Variants in OR1J2 observed in about 807,000 individuals in gnomAD.
OR1J2 encodes the protein olfactory receptor family 1 subfamily J member 2.
For synonymous variants in OR1J2, 142 were observed against 99.7 expected, an observed-to-expected ratio of 1.42 and a Z score of -2.52; for missense variants, 304 against 246.1, an observed-to-expected ratio of 1.24 and a Z score of -1.57.
At chr9:122,533,960 G>A in the OR1J2 span, among the ~76,000 whole-genome samples, 1 of 152,220 alleles carries the variant, frequency 6.6e-6, no homozygotes, top group Non-Finnish European at 1.5e-5. Context: ...CAGAGTTCCA[G>A]GGGCTCTGGG....
At chr9:122,578,520 A>G in the OR1J2 span, 1 of 152,056 alleles carries the variant, frequency 6.6e-6, no homozygotes, top group Non-Finnish European at 1.5e-5. Flanking sequence ...TAGCACCACA[A>G]TTCACAATTG....
chr9:122,477,616 A>C, the OR1J2 span: 58 of 1,614,088 alleles, frequency 3.6e-5, 1 homozygote, highest in South Asian at 5.8e-4. Flanking sequence ...AAAAAATATG[A>C]AAAAATATGT....
At chr9:122,498,885 G>A in the OR1J2 span, among the ~76,000 whole-genome samples, 1 of 152,252 alleles carries the variant, frequency 6.6e-6, no homozygotes, top group South Asian at 2.1e-4. Flanking sequence ...AGAATACTGG[G>A]GGGTAGGGTA....
At chr9:122,527,362 T>C in the OR1J2 span, 2 of 921,030 alleles carry the variant, frequency 2.2e-6, no homozygotes, top group Non-Finnish European at 3.3e-6. Context: ...CTGTGTGGGC[T>C]GACTCCCAAA....
chr9:122,460,079 A>G, the OR1J2 span, among the ~76,000 whole-genome samples: 2 of 152,232 alleles, frequency 1.3e-5, no homozygotes, highest in South Asian at 2.1e-4. Flanking sequence ...TTCAGTTAGA[A>G]TAATGATCTC....
At chr9:122,504,904 C>T in the OR1J2 span, among the ~76,000 whole-genome samples, 7 of 152,224 alleles carry the variant, frequency 4.6e-5, no homozygotes, top group South Asian at 2.1e-4. Flanking sequence ...AAGTGTCTGG[C>T]GTGTCCTTCC....
the OR1J2 span, among the ~76,000 whole-genome samples, chr9:122,572,545 C>T: frequency 6.7e-6 from 1 of 148,908 alleles, no homozygotes; most frequent in Non-Finnish European, 1.5e-5. Context: ...GCTGGGAATG[C>T]AATCATTGTT....
At chr9:122,543,039 T>G in the OR1J2 span, among the ~76,000 whole-genome samples, 3 of 152,238 alleles carry the variant, frequency 2.0e-5, no homozygotes, top group Non-Finnish European at 4.4e-5. Flanking sequence ...TAACTATTTC[T>G]GATCATTATG....
the OR1J2 span, among the ~76,000 whole-genome samples, chr9:122,503,589 C>T: frequency 1.4e-4 from 22 of 152,312 alleles, no homozygotes; most frequent in South Asian, 4.4e-3. Flanking sequence ...AGTGTCTTCT[C>T]TGAAGTGGAT....
At chr9:122,489,799 G>A in the OR1J2 span, among the ~76,000 whole-genome samples, 3 of 152,112 alleles carry the variant, frequency 2.0e-5, no homozygotes, top group African/African-American at 4.8e-5. Flanking sequence ...ATACTCAGTT[G>A]TAGGAAAATA....
downstream of OR1J2, among the ~76,000 whole-genome samples, chr9:122,512,838 A>G (rs1452786793): frequency 1.3e-5 from 2 of 152,188 alleles, no homozygotes; most frequent in East Asian, 1.9e-4. Context: ...AACTTTTCTA[A>G]TGTCACTCAA....
At chr9:122,477,997 T>C in the OR1J2 span, 1 of 1,047,098 alleles carries the variant, frequency 9.6e-7, no homozygotes, top group African/African-American at 1.6e-5. Flanking sequence ...TAAGAAATGA[T>C]AACTGTGGCA....
At chr9:122,551,117 A>T in the OR1J2 span, among the ~76,000 whole-genome samples, 1 of 152,170 alleles carries the variant, frequency 6.6e-6, no homozygotes, top group Non-Finnish European at 1.5e-5. Context: ...ACTAATAACA[A>T]TCAAGCTGAG....
At chr9:122,573,074 A>G in the OR1J2 span, among the ~76,000 whole-genome samples, 1 of 152,224 alleles carries the variant, frequency 6.6e-6, no homozygotes, top group Non-Finnish European at 1.5e-5. Flanking sequence ...CTCAAGTGGC[A>G]AGGACTCTTT....
the OR1J2 span, among the ~76,000 whole-genome samples, chr9:122,559,406 A>G: frequency 6.6e-6 from 1 of 152,090 alleles, no homozygotes; most frequent in African/African-American, 2.4e-5. Context: ...GCAACTATCA[A>G]CTGGTCATCT....
At chr9:122,532,486 T>TATCAGGATG in the OR1J2 span, among the ~76,000 whole-genome samples, 2 of 150,672 alleles carry the variant, frequency 1.3e-5, no homozygotes, top group Non-Finnish European at 3.0e-5. Flanking sequence ...GTCATGAGGG[T>TATCAGGATG]CAGATGTGGT....
the OR1J2 span, among the ~76,000 whole-genome samples, chr9:122,474,822 T>TTAAATGCTGTTA: frequency 4.2e-3 from 645 of 152,314 alleles, 3 homozygotes; most frequent in Non-Finnish European, 7.0e-3. Context: ...TCTCAAATGG[T>TTAAATGCTGTTA]CATTTGCACA....
the OR1J2 span, among the ~76,000 whole-genome samples, chr9:122,546,126 T>G: frequency 6.6e-6 from 1 of 152,150 alleles, no homozygotes; most frequent in Non-Finnish European, 1.5e-5. Context: ...CATTTTTACC[T>G]GGACCTCATT....
At chr9:122,460,165 ATGTG>A in the OR1J2 span, among the ~76,000 whole-genome samples, 1 of 117,038 alleles carries the variant, frequency 8.5e-6, no homozygotes, top group Non-Finnish European at 1.7e-5. Flanking sequence ...TGGTATGTAT[ATGTG>A]TGTGTGTGTG....
Sources: allele counts gnomAD v4.1 joint callset (sites outside exome capture counted in the v4.1 genomes callset), GRCh38; gene constraint gnomAD v4.1.1; transcripts MANE v1.5; gene names NCBI Gene and HGNC (gene_info 2026-07-23, HGNC 2026-07-21).